Variants in FRMD4A observed in about 807,000 individuals in gnomAD.
The protein encoded by FRMD4A is FERM domain-containing protein 4A.
In FRMD4A, 29 loss-of-function variants were observed where a neutral mutation model predicts 129.1. The ratio of observed to expected loss-of-function variants is 0.22; its 90% confidence interval spans 0.17 to 0.31. The LOEUF (loss-of-function observed/expected upper bound fraction) is 0.31. Ranked by LOEUF, FRMD4A falls within the 10% of genes least tolerant of loss-of-function variation. The pLI is 1.00. For synonymous variants in FRMD4A, 634 were observed against 571.6 expected (o/e 1.11, Z -1.56); for missense variants, 1,272 against 1,375.8 (o/e 0.92, Z 1.19).
At chr10:14,099,916 C>A (rs1264967923) in intron 2 of FRMD4A, among the ~76,000 whole-genome samples, 1 of 152,200 alleles carries the variant, frequency 6.6e-6, no homozygotes. Flanking sequence ...TGACCCAAGG[C>A]AACCTGGCTT....
At chr10:14,127,913 T>C (rs182277542) in intron 2 of FRMD4A, among the ~76,000 whole-genome samples, 28 of 3,748 alleles carry the variant, frequency 7.5e-3, no homozygotes, top group African/African-American at 0.02. Flanking sequence ...TTGCTTTCTT[T>C]CTTTCTTTCT....
At chr10:14,115,334 G>A (rs1192611236) in intron 2 of FRMD4A, among the ~76,000 whole-genome samples, 2 of 152,140 alleles carry the variant, frequency 1.3e-5, no homozygotes, top group East Asian at 1.9e-4. Flanking sequence ...TCTGTGGTTG[G>A]CCTCTTATCA....
chr10:13,830,348 A>ATTCT, intron 3 of FRMD4A, among the ~76,000 whole-genome samples: 1 of 152,342 alleles, frequency 6.6e-6, no homozygotes, highest in African/African-American at 2.4e-5. Context: ...AGACTCCAGA[A>ATTCT]GGAGTCAAGG....
chr10:13,949,301 C>CAAAAAAA (rs34006963), intron 2 of FRMD4A, among the ~76,000 whole-genome samples: 2 of 98,850 alleles, frequency 2.0e-5, no homozygotes, highest in African/African-American at 9.6e-5. Flanking sequence ...TTCTAGTGAT[C>CAAAAAAA]AAAAAAAAAA....
chr10:14,021,308 G>A (rs1266048467), intron 2 of FRMD4A, among the ~76,000 whole-genome samples: 1 of 151,924 alleles, frequency 6.6e-6, no homozygotes. Flanking sequence ...TTTCGGGGCT[G>A]AAGCAAAATG....
At chr10:13,714,020 A>AAAAATATAT (rs2088425592) in intron 12 of FRMD4A, among the ~76,000 whole-genome samples, 1 of 420 alleles carries the variant, frequency 2.4e-3, no homozygotes, top group Non-Finnish European at 0.026. Context: ...TACATATATA[A>AAAAATATAT]AATATACATA....
chr10:13,712,027 T>C (rs2088073330), intron 12 of FRMD4A: 1 of 152,234 alleles, frequency 6.6e-6, no homozygotes, highest in African/African-American at 2.4e-5. Context: ...AAGTAGAAAG[T>C]AAAAAAGCAA....
chr10:14,091,191 T>C (rs1189895944), intron 2 of FRMD4A, among the ~76,000 whole-genome samples: 1 of 152,184 alleles, frequency 6.6e-6, no homozygotes, highest in East Asian at 1.9e-4. Context: ...ATTTCTTAAG[T>C]GATTTTTATC....
chr10:14,040,554 T>A lies in FRMD4A; in HGVS notation c.46-181642A>T, dbSNP rs919565847. Among the ~76,000 whole-genome samples, 5 of 152,242 alleles carry A rather than the reference T, an allele frequency of 3.3e-5. No individual in the cohort carries two copies. The South Asian group carries it at 1.0e-3, about 31-fold the overall frequency. ...GAGGAGTGTAACATTCATCTGAGAC[T>A]AACTGCATTTTGGAGATAAAGGAAC... On this transcript the variant is annotated intron_variant, in intron 2 of 24. Transcript: ENST00000357447.
intron 2 of FRMD4A, among the ~76,000 whole-genome samples, chr10:14,024,747 G>A (rs1213620554): frequency 6.6e-6 from 1 of 152,258 alleles, no homozygotes; most frequent in Non-Finnish European, 1.5e-5. Flanking sequence ...TGCTGGCCAA[G>A]CGCAGAGAAC....
chr10:14,065,308 C>T (rs533549919), intron 2 of FRMD4A, among the ~76,000 whole-genome samples: 3 of 152,244 alleles, frequency 2.0e-5, no homozygotes, highest in African/African-American at 4.8e-5. Flanking sequence ...CTCAGCCTCC[C>T]GAGTAGCTGG....
At chr10:14,121,329 C>T (rs756123645) in intron 2 of FRMD4A, among the ~76,000 whole-genome samples, 9 of 152,198 alleles carry the variant, frequency 5.9e-5, no homozygotes, top group Non-Finnish European at 1.0e-4. Context: ...GGTCGCACTA[C>T]TGCACTCCAG....
chr10:14,273,706 G>T (rs1845241473), intron 2 of FRMD4A, among the ~76,000 whole-genome samples: 1 of 152,124 alleles, frequency 6.6e-6, no homozygotes. Flanking sequence ...GTTCTAGGTG[G>T]TCAATGGAGT....
At chr10:13,849,196 C>T (rs1000182194) in intron 3 of FRMD4A, among the ~76,000 whole-genome samples, 6 of 152,148 alleles carry the variant, frequency 3.9e-5, no homozygotes, top group African/African-American at 9.7e-5. Flanking sequence ...TGGGAGGTCC[C>T]GGACAGAAGG....
chr10:14,162,632 T>C (rs1252157945), intron 2 of FRMD4A, among the ~76,000 whole-genome samples: 1 of 135,474 alleles, frequency 7.4e-6, no homozygotes, highest in East Asian at 2.1e-4. Flanking sequence ...GTTTCTCTGT[T>C]TTTTTTTTGT....
At chr10:13,860,632 T>C (rs2094282230) in intron 2 of FRMD4A, among the ~76,000 whole-genome samples, 2 of 152,182 alleles carry the variant, frequency 1.3e-5, no homozygotes, top group Middle Eastern at 3.2e-3. Flanking sequence ...TGCGCATCAG[T>C]AGATCCTGGC....
intron 2 of FRMD4A, among the ~76,000 whole-genome samples, chr10:14,097,735 T>C (rs995650856): frequency 7.3e-4 from 110 of 151,270 alleles, no homozygotes; most frequent in African/African-American, 2.5e-3. Context: ...AAAACACTCA[T>C]TCTGGTCTAA....
chr10:13,769,283 G>A (rs926754246), intron 6 of FRMD4A, among the ~76,000 whole-genome samples: 1 of 151,344 alleles, frequency 6.6e-6, no homozygotes, highest in African/African-American at 2.4e-5. Context: ...TGTATTTTAT[G>A]TGTCAACTTG....
At chr10:14,195,992 G>C (rs1025273401) in intron 2 of FRMD4A, among the ~76,000 whole-genome samples, 1 of 152,212 alleles carries the variant, frequency 6.6e-6, no homozygotes, top group African/African-American at 2.4e-5. Flanking sequence ...ATGAGATTTT[G>C]AGAAAGATCA....
Sources: allele counts gnomAD v4.1 joint callset (sites outside exome capture counted in the v4.1 genomes callset), GRCh38; gene constraint gnomAD v4.1.1; transcripts MANE v1.5; gene names NCBI Gene and HGNC (gene_info 2026-07-23, HGNC 2026-07-21).